The following CFAP69 variants were observed in gnomAD, a reference collection of about 807,000 sequenced individuals.
CFAP69 encodes cilia and flagella associated protein 69, also known as cilia- and flagella-associated protein 69.
A neutral mutation model predicts 123.0 loss-of-function variants in CFAP69; 92 were observed. That is an observed-to-expected ratio of 0.75 (90% CI 0.63 to 0.89). The LOEUF (loss-of-function observed/expected upper bound fraction) is 0.89, where lower values mean the gene tolerates loss of function less well. Ranked by LOEUF, CFAP69 falls within the 40% of genes least tolerant of loss-of-function variation. CFAP69 has a pLI of 0.00. For synonymous variants in CFAP69, 380 were observed against 364.3 expected, an observed-to-expected ratio of 1.04 and a Z score of -0.49; for missense variants, 1,067 against 1,096.9, an observed-to-expected ratio of 0.97 and a Z score of 0.39.
intron 18 of CFAP69, 100 bp downstream of exon 18, chr7:90,304,206 C>G: frequency 5.6e-6 from 8 of 1,416,702 alleles, no homozygotes; most frequent in Non-Finnish European, 7.4e-6. Flanking sequence ...GCAAAAATCT[C>G]TTTATATAGA....
At position 90,297,885 on chromosome 7, in the gene CFAP69, C is replaced by T. The variant is rs1442632148; in HGVS notation, c.1857+55C>T. 8.8e-6 allele frequency: 10 copies of T among 1,132,034 alleles called. 1 individual carries two copies. Among genetic ancestry groups the T allele is most frequent in the East Asian group, 5.3e-5 (2 of 37,914 alleles). The allele number at this position is 1,132,034 out of a possible 1,614,324, so 70.1% of individuals were successfully genotyped here. On this transcript the variant is annotated intron_variant, in intron 16 of 22. Transcript: ENST00000389297. ...AAAGACAAATATGTCTATTAAAGGC[C>T]GTTTCCAAACTGAATGCCACAGAGC...
At chr7:90,248,389 C>T (rs2116509929) in intron 1 of CFAP69, among the ~76,000 whole-genome samples, 1 of 152,248 alleles carries the variant, frequency 6.6e-6, no homozygotes, top group South Asian at 2.1e-4. Context: ...TTTACTTCTG[C>T]ATTAAGTGGT....
chr7:90,254,218 C>T (rs569414032), intron 1 of CFAP69, among the ~76,000 whole-genome samples: 64 of 152,178 alleles, frequency 4.2e-4, no homozygotes, highest in Admixed American at 2.9e-3. Context: ...ATGCCAGTAC[C>T]ATGCTGTGTT....
At chr7:90,255,510 C>CTCATTACTTACAAACTATTT (rs1797543034) in intron 2 of CFAP69, 28 bp downstream of exon 2, 1 of 1,523,454 alleles carries the variant, frequency 6.6e-7, no homozygotes, top group African/African-American at 1.4e-5. Context: ...GAAAATTACT[C>CTCATTACTTACAAACTATTT]CGCTGCATTA....
chr7:90,265,842 G>A lies in CFAP69; in HGVS notation c.433+465G>A, dbSNP rs145540937. Among the ~76,000 whole-genome samples, 5 of 152,226 alleles carry A rather than the reference G, an allele frequency of 3.3e-5. No homozygotes were observed. In the East Asian group the frequency reaches 9.6e-4, roughly 29 times the overall value. On this transcript the variant is annotated intron_variant, in intron 5 of 22. Transcript: ENST00000389297. ...GCATAATGCACATAAAGATGCAGAT[G>A]CCTATATTTTGTACACAAAAATATG...
rs866554643 is a variant in CFAP69 at position 90,306,881 on chromosome 7, G to A, written c.2266-20G>A. 2.8e-6 allele frequency: 4 copies of A among 1,404,580 alleles called. No homozygotes were observed. The highest frequency in any genetic ancestry group is 4.9e-4 in the Middle Eastern group (2 of 4,094). 87.0% of individuals were successfully genotyped at this position (1,404,580 alleles called of 1,614,324 possible). A position where few individuals can be genotyped will look rare whatever the true frequency, so the allele number is the denominator to read the frequency against. ...ATTTGTTTTTGGTTAATTTAACTTT[G>A]TTAAACTTTGTTATAACAGATTGGA... On this transcript the variant is annotated intron_variant, in intron 19 of 22. Transcript: ENST00000389297.
intron 17 of CFAP69, chr7:90,302,042 T>C (rs1041100005): frequency 2.0e-5 from 3 of 152,218 alleles, no homozygotes; most frequent in Non-Finnish European, 1.5e-5. Flanking sequence ...TACTATTTCA[T>C]TGTGATTTGA....
At chr7:90,275,973 G>A (rs1156270548) in intron 9 of CFAP69, 1 of 152,146 alleles carries the variant, frequency 6.6e-6, no homozygotes, top group Non-Finnish European at 1.5e-5. Context: ...CATCCTTCCA[G>A]TGTCTGCTTA....
chr7:90,305,368 C>T (rs1484909986), intron 19 of CFAP69, among the ~76,000 whole-genome samples: 1 of 143,314 alleles, frequency 7.0e-6, no homozygotes. Context: ...TGATATAAAA[C>T]TGTTCAGAAG....
chr7:90,304,523 AT>A lies in CFAP69; in HGVS notation c.2189-219del, dbSNP rs916795066. On this transcript the variant is annotated intron_variant, in intron 18 of 22. Transcript: ENST00000389297. ...ACACAGAAAGAAATGATTCCTATATATTGGATGACCTGGCAGAAATGTGTTA... is the reference window on the plus strand; with the variant it reads ...ACACAGAAAGAAATGATTCCTATATATGGATGACCTGGCAGAAATGTGTTA... The A allele has an allele frequency of 4.5e-5, 59 of 1,318,818 alleles. No homozygotes were observed. The African/African-American group carries it at 8.7e-4, about 19-fold the overall frequency. 81.7% of individuals were successfully genotyped at this position (1,318,818 alleles called of 1,614,324 possible). A position where few individuals can be genotyped will look rare whatever the true frequency, so the allele number is the denominator to read the frequency against.
At chr7:90,257,190 G>T (rs1797761928) in intron 2 of CFAP69, among the ~76,000 whole-genome samples, 2 of 152,128 alleles carry the variant, frequency 1.3e-5, no homozygotes, top group Admixed American at 6.5e-5. Context: ...ACATGACGTA[G>T]AAAAAATATT....
At chr7:90,257,959 T>G in intron 2 of CFAP69, 139 bp from the exon 3 acceptor site, 1 of 609,148 alleles carries the variant, frequency 1.6e-6, no homozygotes, top group South Asian at 2.1e-5. Flanking sequence ...CAGAAAACAT[T>G]TTATAACGTT....
chr7:90,264,090 C>CG (rs1798718374), intron 4 of CFAP69, among the ~76,000 whole-genome samples: 6 of 14,706 alleles, frequency 4.1e-4, no homozygotes, highest in Non-Finnish European at 6.9e-4. Flanking sequence ...GACTCCATCT[C>CG]GAAAAAAAAA....
At chr7:90,253,399 T>C (rs1393693632) in intron 1 of CFAP69, among the ~76,000 whole-genome samples, 1 of 152,190 alleles carries the variant, frequency 6.6e-6, no homozygotes, top group East Asian at 1.9e-4. Context: ...TATTTGTTTG[T>C]TTGTTTTTTG....
At chr7:90,318,149 A>G in the CFAP69 span, 2 of 152,142 alleles carry the variant, frequency 1.3e-5, no homozygotes. Context: ...CCGTAACTCC[A>G]TTGTATTACT....
intron 1 of CFAP69, among the ~76,000 whole-genome samples, chr7:90,250,187 G>GGAGAGAGAGAGAGAGAGAGAGAGAGAGA (rs10527106): frequency 3.2e-5 from 4 of 125,792 alleles, no homozygotes; most frequent in Non-Finnish European, 3.4e-5. Context: ...TTTAAAGAGA[G>GGAGAGAGAGAGAGAGAGAGAGAGAGAGA]GAGAGAGAGA....
intron 1 of CFAP69, among the ~76,000 whole-genome samples, chr7:90,247,266 A>G (rs958480973): frequency 1.3e-5 from 2 of 152,310 alleles, no homozygotes; most frequent in African/African-American, 4.8e-5. Context: ...GAGACCCTGG[A>G]ACGAAAAAAT....
intron 22 of CFAP69, 148 bp downstream of exon 22, chr7:90,309,515 A>C (rs1330095014): frequency 1.2e-5 from 5 of 413,940 alleles, no homozygotes; most frequent in Admixed American, 8.9e-5. Flanking sequence ...AAAACTGTTC[A>C]AAAAAAATTT....
At chr7:90,316,875 A>G in the CFAP69 span, 2 of 152,228 alleles carry the variant, frequency 1.3e-5, no homozygotes, top group African/African-American at 4.8e-5. Flanking sequence ...TAAAATTGTC[A>G]TGACAACTAT....
Sources: gnomAD v4.1 joint callset for allele counts (sites outside exome capture counted in the v4.1 genomes callset) on GRCh38, gnomAD v4.1.1 for gene constraint, MANE v1.5 for transcripts, NCBI Gene and HGNC (gene_info 2026-07-23, HGNC 2026-07-21) for gene names.